The following CSMD3 variants were observed in gnomAD, a reference collection of about 807,000 sequenced individuals.
The protein encoded by CSMD3 is CUB and Sushi multiple domains 3.
CSMD3 carries 177 observed loss-of-function variants against 435.2 expected under a neutral mutation model. That is an observed-to-expected ratio of 0.41 (90% CI 0.36 to 0.46). The LOEUF (loss-of-function observed/expected upper bound fraction) is 0.46, where lower values mean the gene tolerates loss of function less well. Among genes scored for constraint, CSMD3 ranks in the 20% least tolerant of loss-of-function variants. CSMD3 has a pLI of 0.34. For missense variants in CSMD3, 4,265 were observed against 4,504.6 expected, an observed-to-expected ratio of 0.95 and a Z score of 1.52; for synonymous variants, 1,656 against 1,520.5, an observed-to-expected ratio of 1.09 and a Z score of -2.07.
chr8:113,023,565 G>C (rs1241452916), intron 5 of CSMD3, among the ~76,000 whole-genome samples: 1 of 152,036 alleles, frequency 6.6e-6, no homozygotes, highest in Non-Finnish European at 1.5e-5. Flanking sequence ...ATGTTGAGCT[G>C]CTATTAGTTG....
At chr8:113,133,840 G>C (rs1035350225) in intron 4 of CSMD3, among the ~76,000 whole-genome samples, 1 of 152,022 alleles carries the variant, frequency 6.6e-6, no homozygotes, top group Non-Finnish European at 1.5e-5. Context: ...TGAACTATCT[G>C]AAATAGTCAA....
chr8:112,624,856 C>CCCAGA, intron 22 of CSMD3, among the ~76,000 whole-genome samples: 2 of 151,902 alleles, frequency 1.3e-5, no homozygotes, highest in Non-Finnish European at 2.9e-5. Context: ...ACAAGCCAGA[C>CCCAGA]TCACAAATGA....
At position 112,406,678 on chromosome 8, in the gene CSMD3, T is replaced by C. The variant is rs1215762034; in HGVS notation, c.5655A>G (p.Arg1885=). The part of the protein sequence containing the change: ...STQCSSVPEP[R]FGRRIGNEFA... ...ATTCATTGCCAATTCTTCTTCCGAA[T>C]CTTGGTTCAGGCACAGAACTGCATT... Residue 1885 remains arginine, a synonymous_variant, in exon 35 of 71, where the codon AGA becomes AGG. Transcript: ENST00000297405. 1.9e-6 allele frequency: 3 copies of C among 1,612,130 alleles called. No individual in the cohort carries two copies. The highest frequency in any genetic ancestry group is 1.1e-5 in the South Asian group (1 of 90,952).
intron 3 of CSMD3, among the ~76,000 whole-genome samples, chr8:113,217,474 A>C (rs1288405466): frequency 6.6e-6 from 1 of 151,736 alleles, no homozygotes; most frequent in Non-Finnish European, 1.5e-5. Flanking sequence ...GGCACAGATA[A>C]ACATAATTAG....
At chr8:113,063,524 T>C (rs1454463105) in intron 5 of CSMD3, among the ~76,000 whole-genome samples, 1 of 152,020 alleles carries the variant, frequency 6.6e-6, no homozygotes, top group Non-Finnish European at 1.5e-5. Flanking sequence ...AGCATGCTAC[T>C]TATACACTTG....
chr8:113,115,125 G>C (rs1250394087), intron 4 of CSMD3, among the ~76,000 whole-genome samples: 1 of 152,134 alleles, frequency 6.6e-6, no homozygotes, highest in African/African-American at 2.4e-5. Context: ...GAGATACACT[G>C]ACCTAGGAAA....
intron 3 of CSMD3, among the ~76,000 whole-genome samples, chr8:113,183,768 T>C (rs2092457987): frequency 6.6e-6 from 1 of 152,040 alleles, no homozygotes; most frequent in Non-Finnish European, 1.5e-5. Context: ...ACTATATACA[T>C]GCAGTGTGTA....
At chr8:112,663,710 G>C (rs1441103575) in intron 17 of CSMD3, among the ~76,000 whole-genome samples, 1 of 152,004 alleles carries the variant, frequency 6.6e-6, no homozygotes, top group African/African-American at 2.4e-5. Flanking sequence ...CTGTGATGAG[G>C]GTTATCAAGA....
intron 13 of CSMD3, among the ~76,000 whole-genome samples, chr8:112,722,892 A>T (rs1476520420): frequency 6.6e-6 from 1 of 152,174 alleles, no homozygotes; most frequent in African/African-American, 2.4e-5. Context: ...ATCAAAAATC[A>T]CAAAATATGT....
intron 1 of CSMD3, among the ~76,000 whole-genome samples, chr8:113,430,969 G>A (rs1381212117): frequency 6.6e-6 from 1 of 152,144 alleles, no homozygotes; most frequent in Non-Finnish European, 1.5e-5. Flanking sequence ...CTTAAGAGAA[G>A]GAAAGGTGAT....
intron 4 of CSMD3, among the ~76,000 whole-genome samples, chr8:113,143,573 A>T (rs932468656): frequency 3.3e-5 from 5 of 151,466 alleles, no homozygotes; most frequent in African/African-American, 1.2e-4. Context: ...GTAAGTAGTT[A>T]AATAAACTAC....
chr8:112,438,560 T>C (rs951611329), intron 32 of CSMD3, among the ~76,000 whole-genome samples: 2 of 152,138 alleles, frequency 1.3e-5, no homozygotes, highest in Admixed American at 6.6e-5. Flanking sequence ...CAACTGGGTA[T>C]GGCAGAGCAA....
chr8:112,248,528 G>T (rs1814969379), intron 63 of CSMD3, among the ~76,000 whole-genome samples: 1 of 151,962 alleles, frequency 6.6e-6, no homozygotes, highest in Non-Finnish European at 1.5e-5. Flanking sequence ...GGATATTTAG[G>T]GTCTGCCACT....
chr8:112,394,183 T>C (rs1199985029), intron 35 of CSMD3, among the ~76,000 whole-genome samples: 1 of 152,180 alleles, frequency 6.6e-6, no homozygotes, highest in East Asian at 1.9e-4. Context: ...GATTTATCTT[T>C]CTTGCAGTCA....
intron 5 of CSMD3, among the ~76,000 whole-genome samples, chr8:113,057,895 A>G (rs1488276982): frequency 6.6e-6 from 1 of 151,908 alleles, no homozygotes; most frequent in African/African-American, 2.4e-5. Context: ...GTAGATAACT[A>G]TGGTATTGAA....
Position 112,827,091 on chromosome 8 carries a change from T to C in CSMD3, c.1859+2595A>G, listed in dbSNP as rs370348803. ...CCCAACAAATGTACTCTTTTTATAT[T>C]TAACCAGTTCTAATAGTTGAGTATT... On this transcript the variant is annotated intron_variant, in intron 12 of 70. Coordinates refer to ENST00000297405, the MANE Select transcript of CSMD3 (RefSeq NM_198123.2). Among the ~76,000 whole-genome samples the C allele has an allele frequency of 3.7e-4, 53 of 145,204 alleles. No individual in the cohort carries two copies. In the East Asian group the frequency reaches 4.5e-3, roughly 12 times the overall value.
intron 1 of CSMD3, among the ~76,000 whole-genome samples, chr8:113,335,413 A>C (rs1177705973): frequency 6.6e-6 from 1 of 151,986 alleles, no homozygotes; most frequent in Non-Finnish European, 1.5e-5. Context: ...CTTTTCAAAG[A>C]AGCAAATTTT....
chr8:113,145,531 G>A (rs1337925870), intron 4 of CSMD3, among the ~76,000 whole-genome samples: 2 of 151,332 alleles, frequency 1.3e-5, no homozygotes, highest in Non-Finnish European at 3.0e-5. Context: ...TATCATAATT[G>A]TAAAGACGTA....
At chr8:112,369,241 A>T (rs1828084537) in intron 38 of CSMD3, among the ~76,000 whole-genome samples, 1 of 152,104 alleles carries the variant, frequency 6.6e-6, no homozygotes, top group Non-Finnish European at 1.5e-5. Context: ...GAAAACATTT[A>T]ACGCAGCTAT....
Sources: allele counts gnomAD v4.1 joint callset (sites outside exome capture counted in the v4.1 genomes callset), GRCh38; gene constraint gnomAD v4.1.1; transcripts MANE v1.5; gene names NCBI Gene and HGNC (gene_info 2026-07-23, HGNC 2026-07-21).